FAM3C: variants seen among roughly 807,000 people sequenced by gnomAD.
FAM3C encodes the protein protein FAM3C.
FAM3C carries 15 observed loss-of-function variants against 32.5 expected under a neutral mutation model. The ratio of observed to expected loss-of-function variants is 0.46; its 90% CI spans 0.31 to 0.71. The LOEUF (loss-of-function observed/expected upper bound fraction) is 0.71, where lower values mean the gene tolerates loss of function less well. FAM3C is among the 30% of genes least tolerant of loss of function. FAM3C has a pLI of 0.05. For missense variants in FAM3C, 175 were observed against 274.4 expected (o/e 0.64, Z 2.56); for synonymous variants, 75 against 86.1 (o/e 0.87, Z 0.72).
intron 8 of FAM3C, among the ~76,000 whole-genome samples, chr7:121,353,971 T>G (rs1180984604): frequency 6.6e-6 from 1 of 152,254 alleles, no homozygotes; most frequent in African/African-American, 2.4e-5. Context: ...TGTGTATATC[T>G]AACTACAGTT....
intron 8 of FAM3C, among the ~76,000 whole-genome samples, chr7:121,358,685 G>A (rs910294179): frequency 2.0e-5 from 3 of 151,924 alleles, no homozygotes; most frequent in African/African-American, 7.2e-5. Flanking sequence ...AAAAATACAT[G>A]ACAACAGTGA....
At chr7:121,395,278 CATATATATGG>C (rs1232042939) in intron 1 of FAM3C, among the ~76,000 whole-genome samples, 21 of 143,390 alleles carry the variant, frequency 1.5e-4, no homozygotes, top group African/African-American at 4.7e-4. Context: ...TGGATACATA[CATATATATGG>C]ATACATACAT....
At chr7:121,393,078 T>C (rs1246645794) in intron 1 of FAM3C, among the ~76,000 whole-genome samples, 1 of 152,164 alleles carries the variant, frequency 6.6e-6, no homozygotes, top group East Asian at 1.9e-4. Flanking sequence ...GCTTAATGAA[T>C]ATGGGGTTTC....
chr7:121,364,875 A>G (rs957882287), intron 5 of FAM3C, among the ~76,000 whole-genome samples: 2 of 152,124 alleles, frequency 1.3e-5, no homozygotes, highest in African/African-American at 2.4e-5. Flanking sequence ...AGTTTGTTCA[A>G]TTGCTCAAAT....
rs890428595 is a variant in FAM3C at position 121,350,578 on chromosome 7, T to C, written c.595-28A>G. On this transcript the variant is annotated intron_variant, in intron 9 of 9. Coordinates refer to ENST00000359943, the MANE Select transcript of FAM3C (RefSeq NM_014888.3). ...ATTGGAACACAGTAATAATATACAG[T>C]TTAAAAAACCGTTGTAAACTGCTGA... 2.5e-6 allele frequency: 4 copies of C among 1,607,628 alleles called. No individual in the cohort carries two copies. In the African/African-American group the frequency reaches 5.4e-5, roughly 22 times the overall value.
At chr7:121,375,176 C>G (rs975550131) in intron 3 of FAM3C, among the ~76,000 whole-genome samples, 1 of 152,156 alleles carries the variant, frequency 6.6e-6, no homozygotes, top group Non-Finnish European at 1.5e-5. Context: ...GCAATCAGAA[C>G]AAATGTTCAG....
chr7:121,368,401 A>G (rs1033959311), intron 5 of FAM3C, among the ~76,000 whole-genome samples: 3 of 152,206 alleles, frequency 2.0e-5, no homozygotes, highest in Non-Finnish European at 4.4e-5. Flanking sequence ...AGGTGCTGTG[A>G]AAAGACTAAA....
At chr7:121,353,215 T>A (rs1215516543) in intron 8 of FAM3C, among the ~76,000 whole-genome samples, 6 of 152,220 alleles carry the variant, frequency 3.9e-5, no homozygotes. Flanking sequence ...CTGCCAAAAG[T>A]AAAATCTTAT....
intron 2 of FAM3C, among the ~76,000 whole-genome samples, chr7:121,382,486 C>CA (rs1794377176): frequency 1.3e-5 from 2 of 149,376 alleles, no homozygotes; most frequent in South Asian, 4.2e-4. Flanking sequence ...ATAGCAAAAA[C>CA]AAAAATCAGC....
Position 121,356,453 on chromosome 7 carries a change from C to A in FAM3C, c.467+3590G>T, listed in dbSNP as rs141420402. Among the ~76,000 whole-genome samples the A allele has an allele frequency of 1.1e-3, 170 of 152,302 alleles. 1 individual carries two copies. In the East Asian group the frequency reaches 0.031, roughly 28 times the overall value. On this transcript the variant is annotated intron_variant, in intron 8 of 9. Transcript: ENST00000359943. ...GAAGTATCAAATGATTTGGGGAATA[C>A]ACTTACTGTTTTGTTGTTCCATCTA...
At chr7:121,360,009 T>C (rs1793887195) in intron 8 of FAM3C, 34 bp downstream of exon 8, 3 of 1,076,412 alleles carry the variant, frequency 2.8e-6, no homozygotes, top group Admixed American at 1.8e-5. Flanking sequence ...AATTACAAAT[T>C]ATAGTTCCAA....
rs1794651505 is a variant in FAM3C, at chr7:121,394,771, T to C, written c.-42+1391A>G. ...ACTACTAGTAGCCTCTAGAAAGAGG[T>C]ACAGGTCGATGAAGTGACCAAAACC... On this transcript the variant is annotated intron_variant, in intron 1 of 9. Coordinates refer to ENST00000359943, the MANE Select transcript of FAM3C (RefSeq NM_014888.3). Among the ~76,000 whole-genome samples, 3 of 152,138 alleles carry C rather than the reference T, an allele frequency of 2.0e-5. No homozygotes were observed. The South Asian group carries it at 6.2e-4, about 32-fold the overall frequency.
At chr7:121,350,608 C>T (rs1793685183) in intron 9 of FAM3C, 58 bp from the exon 10 acceptor site, 8 of 1,553,634 alleles carry the variant, frequency 5.1e-6, no homozygotes, top group Middle Eastern at 1.7e-4. Flanking sequence ...TGCTGATTTG[C>T]CGTAACATTT....
Position 121,395,735 on chromosome 7 carries a change from C to T in FAM3C, c.-42+427G>A, listed in dbSNP as rs564530653. Among the ~76,000 whole-genome samples, 7 of 152,206 alleles carry T rather than the reference C, an allele frequency of 4.6e-5. No homozygotes were observed. The South Asian group carries it at 1.5e-3, about 32-fold the overall frequency. On this transcript the variant is annotated intron_variant, in intron 1 of 9. Coordinates refer to ENST00000359943, the MANE Select transcript of FAM3C (RefSeq NM_014888.3). ...AACTTTACAAGTGAGTCAAAACGGC[C>T]CCCTATGGAGTTGGAATGCAACACC...
chr7:121,354,416 G>A (rs956356125), intron 8 of FAM3C, among the ~76,000 whole-genome samples: 16 of 152,156 alleles, frequency 1.1e-4, no homozygotes, highest in Non-Finnish European at 1.0e-4. Flanking sequence ...ACGGTATCAG[G>A]TTTTGCTAGA....
intron 2 of FAM3C, among the ~76,000 whole-genome samples, chr7:121,380,039 G>A (rs1732718446): frequency 6.6e-6 from 1 of 152,118 alleles, no homozygotes; most frequent in African/African-American, 2.4e-5. Context: ...GCAAAATTCT[G>A]TTAGGCTTTG....
At chr7:121,369,929 A>G (rs1276549143) in intron 5 of FAM3C, among the ~76,000 whole-genome samples, 2 of 142,442 alleles carry the variant, frequency 1.4e-5, no homozygotes, top group Non-Finnish European at 3.0e-5. Context: ...GTGAATAAAA[A>G]ACCTGCTAGT....
chr7:121,355,006 C>T (rs2116871403), intron 8 of FAM3C, among the ~76,000 whole-genome samples: 1 of 152,188 alleles, frequency 6.6e-6, no homozygotes, highest in Non-Finnish European at 1.5e-5. Flanking sequence ...ATACTACTAA[C>T]CAGGAAGACC....
At chr7:121,354,396 T>C (rs1200210612) in intron 8 of FAM3C, among the ~76,000 whole-genome samples, 1 of 152,198 alleles carries the variant, frequency 6.6e-6, no homozygotes, top group African/African-American at 2.4e-5. Flanking sequence ...TAAACCAGGA[T>C]AGACAGAGAA....
Sources: allele counts gnomAD v4.1 joint callset (sites outside exome capture counted in the v4.1 genomes callset), GRCh38; gene constraint gnomAD v4.1.1; transcripts MANE v1.5; gene names NCBI Gene and HGNC (gene_info 2026-07-23, HGNC 2026-07-21).